Variants in TMCC1 observed in about 807,000 individuals in gnomAD.
TMCC1 encodes transmembrane and coiled-coil domain family 1.
In TMCC1, 15 loss-of-function variants were observed where a neutral mutation model predicts 52.4. The ratio of observed to expected loss-of-function variants is 0.29; its 90% confidence interval spans 0.19 to 0.44. TMCC1 has a LOEUF of 0.44. Ranked by LOEUF, TMCC1 falls within the 20% of genes least tolerant of loss-of-function variation. The probability of loss-of-function intolerance (pLI) is 1.00; values close to 1 mark genes in which losing one functional copy is unlikely to be tolerated. For synonymous variants in TMCC1, 279 were observed against 301.9 expected (o/e 0.92, Z 0.79); for missense variants, 503 against 806.0 (o/e 0.62, Z 4.55).
chr3:129,843,301 C>T (rs1456386870), intron 2 of TMCC1, among the ~76,000 whole-genome samples: 9 of 151,586 alleles, frequency 5.9e-5, no homozygotes, highest in South Asian at 2.1e-4. Flanking sequence ...GAGCCGAGAT[C>T]GCACCACTGC....
At chr3:129,858,482 C>T (rs2060243459) in intron 2 of TMCC1, among the ~76,000 whole-genome samples, 1 of 152,134 alleles carries the variant, frequency 6.6e-6, no homozygotes, top group Admixed American at 6.5e-5. Context: ...GTCATCCTCC[C>T]ACCTCAGCCT....
chr3:129,688,240 A>G lies in TMCC1; in HGVS notation c.577-16976T>C, dbSNP rs566899372. On this transcript the variant is annotated intron_variant, in intron 4 of 6. Transcript: ENST00000393238. ...CACAAAGCTCATCCTTCATTTGTGCACTGCCAGAGAAAGCTTGGATGGTAA... is the reference window on the plus strand; with the variant it reads ...CACAAAGCTCATCCTTCATTTGTGCGCTGCCAGAGAAAGCTTGGATGGTAA... 1.7e-5 allele frequency: 17 copies of G among 985,312 alleles called. No individual in the cohort carries two copies. The East Asian group carries it at 1.0e-3, about 59-fold the overall frequency. The allele number at this position is 985,312 out of a possible 1,614,324, so 61.0% of individuals were successfully genotyped here. A position where few individuals can be genotyped will look rare whatever the true frequency, so the allele number is the denominator to read the frequency against.
chr3:129,728,927 G>A (rs1177378652), intron 4 of TMCC1, among the ~76,000 whole-genome samples: 1 of 152,128 alleles, frequency 6.6e-6, no homozygotes, highest in Non-Finnish European at 1.5e-5. Context: ...CTGAGTAGTA[G>A]TTCATTGTAT....
chr3:129,791,725 G>T (rs984338760), intron 4 of TMCC1, among the ~76,000 whole-genome samples: 1 of 152,144 alleles, frequency 6.6e-6, no homozygotes, highest in Non-Finnish European at 1.5e-5. Context: ...GGAAAATTGA[G>T]AACTTTTCTG....
intron 5 of TMCC1, among the ~76,000 whole-genome samples, chr3:129,661,389 A>G (rs1027080612): frequency 1.3e-5 from 2 of 151,826 alleles, no homozygotes; most frequent in Admixed American, 6.6e-5. Context: ...CTGTGTCACT[A>G]CCCTCCAGTC....
In TMCC1 at chr3:129,651,589, G is replaced by C. The variant is rs1388389277; in HGVS notation, c.1854C>G (p.Arg618=). The C allele has an allele frequency of 1.2e-5, 20 of 1,614,104 alleles. No homozygotes were observed. Among genetic ancestry groups the C allele is most frequent in the Non-Finnish European group, 1.7e-5 (20 of 1,180,050 alleles). The part of the protein sequence containing the change: ...ANCVVPLMKT[R]NRTFSTLFLV... Reference sequence around the variant, plus strand: ...GGAATAAAGTGCTGAACGTCCTGTTGCGAGTCTTCATGAGGGGGACCACAC... The same window carrying C: ...GGAATAAAGTGCTGAACGTCCTGTTCCGAGTCTTCATGAGGGGGACCACAC... Residue 618 remains arginine, a synonymous_variant, in exon 7 of 7, where the codon CGC becomes CGG. Coordinates refer to ENST00000393238, the MANE Select transcript of TMCC1 (RefSeq NM_001017395.5). This position sits in a 1 kb window ranked among gnomAD's most constrained non-coding sequence, Gnocchi z 5.1.
At chr3:129,726,647 G>A (rs2050108434) in intron 4 of TMCC1, among the ~76,000 whole-genome samples, 1 of 151,618 alleles carries the variant, frequency 6.6e-6, no homozygotes, top group African/African-American at 2.4e-5. Flanking sequence ...AGGAAGGCGA[G>A]GTGGGAGGAT....
intron 1 of TMCC1, among the ~76,000 whole-genome samples, chr3:129,888,747 G>A (rs1406222995): frequency 6.6e-6 from 1 of 152,134 alleles, no homozygotes; most frequent in Non-Finnish European, 1.5e-5. Flanking sequence ...ATTTTCCAGA[G>A]TACAGTAGGA....
At chr3:129,891,070 T>C (rs112953323) in intron 1 of TMCC1, among the ~76,000 whole-genome samples, 37 of 152,254 alleles carry the variant, frequency 2.4e-4, no homozygotes, top group Admixed American at 2.3e-3. Flanking sequence ...GCAGCTCATC[T>C]GCACCTGCAG....
intron 4 of TMCC1, among the ~76,000 whole-genome samples, chr3:129,819,246 C>A (rs896383528): frequency 1.3e-5 from 2 of 152,008 alleles, no homozygotes; most frequent in Non-Finnish European, 2.9e-5. Context: ...CCATGCCAGG[C>A]TAATTTTTTT....
At chr3:129,889,577 T>C (rs2061869245) in intron 1 of TMCC1, among the ~76,000 whole-genome samples, 1 of 152,236 alleles carries the variant, frequency 6.6e-6, no homozygotes, top group African/African-American at 2.4e-5. Flanking sequence ...GCAGGAACTC[T>C]GCAGTATCTT....
At position 129,670,370 on chromosome 3, in the gene TMCC1, A is replaced by C. The variant is rs2087821756; in HGVS notation, c.1471T>G (p.Tyr491Asp). ...ETLKEHYQRD[Y>D]SLIMQTLQEE... Reference sequence around the variant, plus strand: ...TGTAAGGTCTGCATTATTAAGGAATAGTCCCTCTGATAATGTTCCTTGAGA... The same window carrying C: ...TGTAAGGTCTGCATTATTAAGGAATCGTCCCTCTGATAATGTTCCTTGAGA... The change falls in exon 5 of 7, where the codon TAT (tyrosine) becomes GAT (aspartate). Residue 491 changes from tyrosine (Y) to aspartate (D), a missense_variant. This residue lies in a region of TMCC1 where 121 missense variants were observed against 193.6 expected (regional missense o/e 0.62). Transcript: ENST00000393238. 1 of 1,614,226 alleles carries C rather than the reference A, an allele frequency of 6.2e-7. No individual in the cohort carries two copies. Among genetic ancestry groups the C allele is most frequent in the Non-Finnish European group, 8.5e-7 (1 of 1,180,030 alleles).
intron 2 of TMCC1, among the ~76,000 whole-genome samples, chr3:129,877,292 T>C (rs1104675): frequency 0.089 from 13,508 of 152,194 alleles, 670 homozygotes; most frequent in Middle Eastern, 0.15. Flanking sequence ...ATTGTAGTAT[T>C]TGACACAGTT....
chr3:129,731,597 G>C (rs1363625755), intron 4 of TMCC1, among the ~76,000 whole-genome samples: 1 of 151,784 alleles, frequency 6.6e-6, no homozygotes, highest in African/African-American at 2.4e-5. Flanking sequence ...AAATAAATAA[G>C]AACTCTTAGC....
intron 4 of TMCC1, among the ~76,000 whole-genome samples, chr3:129,802,665 C>T (rs987543011): frequency 6.6e-6 from 1 of 152,092 alleles, no homozygotes; most frequent in Non-Finnish European, 1.5e-5. Flanking sequence ...CCATTGTAAC[C>T]AAGACAGTAT....
chr3:129,707,643 G>C (rs1390418197), intron 4 of TMCC1, among the ~76,000 whole-genome samples: 1 of 152,098 alleles, frequency 6.6e-6, no homozygotes, highest in Middle Eastern at 3.2e-3. Flanking sequence ...ACATTTTAAA[G>C]TTAAAATTGG....
intron 1 of TMCC1, among the ~76,000 whole-genome samples, chr3:129,892,961 T>G (rs2062042848): frequency 1.3e-5 from 2 of 152,066 alleles, no homozygotes; most frequent in African/African-American, 4.8e-5. Flanking sequence ...CCACTACATA[T>G]TCTCCCCAGT....
In TMCC1 at chr3:129,651,415, T is replaced by G; in HGVS notation, c.*66A>C. 19 of 1,502,892 alleles carry G rather than the reference T, an allele frequency of 1.3e-5. No homozygotes were observed. The highest frequency in any genetic ancestry group is 1.7e-5 in the Non-Finnish European group (19 of 1,110,890). The allele number at this position is 1,502,892 out of a possible 1,614,324, so 93.1% of individuals were successfully genotyped here. A position where few individuals can be genotyped will look rare whatever the true frequency, so the allele number is the denominator to read the frequency against. On this transcript the variant is annotated 3_prime_UTR_variant, in exon 7 of 7. Coordinates refer to ENST00000393238, the MANE Select transcript of TMCC1 (RefSeq NM_001017395.5). This position sits in a 1 kb window ranked among gnomAD's most constrained non-coding sequence, Gnocchi z 5.1. ...TGTAGAAAACTTCAGAGTAGGTAAG[T>G]TGCTGTCTAACTCTCTGCTGCATGC...
chr3:129,682,921 C>T (rs759785966), intron 4 of TMCC1, among the ~76,000 whole-genome samples: 17 of 152,162 alleles, frequency 1.1e-4, no homozygotes, highest in Non-Finnish European at 2.1e-4. Flanking sequence ...CCGCAATCTC[C>T]GCCTCCCGGG....
Sources: allele counts gnomAD v4.1 joint callset (sites outside exome capture counted in the v4.1 genomes callset), GRCh38; gene constraint gnomAD v4.1.1; regional missense constraint gnomAD v4.1.1; non-coding constraint Gnocchi (gnomAD v3.1); transcripts MANE v1.5; gene names NCBI Gene and HGNC (gene_info 2026-07-23, HGNC 2026-07-21).